The following STAG1 variants were observed in gnomAD, a reference collection of about 807,000 sequenced individuals.
STAG1 encodes the protein cohesin subunit SA-1.
STAG1 carries 26 observed loss-of-function variants against 170.9 expected under a neutral mutation model. The ratio of observed to expected loss-of-function variants is 0.15; its 90% CI spans 0.11 to 0.21. The LOEUF is 0.21. Ranked by LOEUF, STAG1 falls within the 10% of genes least tolerant of loss-of-function variation. The pLI, the probability that STAG1 is intolerant of heterozygous loss-of-function variation, is 1.00. For missense variants in STAG1, 964 were observed against 1,509.5 expected, an observed-to-expected ratio of 0.64 and a Z score of 5.99; for synonymous variants, 514 against 497.7, an observed-to-expected ratio of 1.03 and a Z score of -0.44.
intron 1 of STAG1, among the ~76,000 whole-genome samples, chr3:136,674,084 T>C (rs1178585544): frequency 6.7e-4 from 84 of 125,420 alleles, no homozygotes; most frequent in Non-Finnish European, 5.5e-4. Context: ...GCCTAGGTGA[T>C]AGGGAGTGAC....
intron 29 of STAG1, among the ~76,000 whole-genome samples, chr3:136,348,293 T>G (rs1037023472): frequency 6.5e-5 from 9 of 137,868 alleles, no homozygotes; most frequent in African/African-American, 1.9e-4. Flanking sequence ...AATTTTTAGG[T>G]TTTTTTTTTT....
chr3:136,473,874 A>T (rs947839765), intron 10 of STAG1, among the ~76,000 whole-genome samples: 18 of 152,152 alleles, frequency 1.2e-4, no homozygotes, highest in Non-Finnish European at 5.9e-5. Context: ...TTAAATATTT[A>T]TCAACGCTGA....
intron 1 of STAG1, among the ~76,000 whole-genome samples, chr3:136,647,164 G>A (rs1369074854): frequency 6.6e-6 from 1 of 152,068 alleles, no homozygotes; most frequent in Non-Finnish European, 1.5e-5. Flanking sequence ...AAATAATTGT[G>A]GCACAGAAAA....
At chr3:136,633,962 TAAAAAAAAAAAAAAAAA>T (rs67810422) in intron 1 of STAG1, among the ~76,000 whole-genome samples, 1 of 50,346 alleles carries the variant, frequency 2.0e-5, no homozygotes. Flanking sequence ...TGTCTCTACT[TAAAAAAAAAAAAAAAAA>T]AAAAAAAAAA....
intron 5 of STAG1, among the ~76,000 whole-genome samples, chr3:136,552,790 T>C (rs1936462513): frequency 6.6e-6 from 1 of 152,194 alleles, no homozygotes; most frequent in African/African-American, 2.4e-5. Flanking sequence ...TTCTAACAAA[T>C]AACTGAAAGA....
intron 2 of STAG1, among the ~76,000 whole-genome samples, chr3:136,625,079 T>C (rs182566120): frequency 6.2e-4 from 94 of 152,356 alleles, no homozygotes; most frequent in African/African-American, 2.2e-3. Flanking sequence ...CAATACAAGC[T>C]GGCTTCAACA....
intron 3 of STAG1, among the ~76,000 whole-genome samples, chr3:136,622,055 T>C (rs1462782533): frequency 2.1e-5 from 3 of 145,000 alleles, no homozygotes; most frequent in Non-Finnish European, 4.5e-5. Flanking sequence ...CCCAGCACTT[T>C]GGGAGGCTGA....
At position 136,344,002 on chromosome 3, in the gene STAG1, C is replaced by A; in HGVS notation, c.3276G>T (p.Glu1092Asp). The change falls in exon 30 of 34, where the codon GAG becomes GAT. Residue 1092 changes from glutamate to aspartate, a missense_variant. This residue lies in a region of STAG1 where 122 missense variants were observed against 129.0 expected (regional missense o/e 0.95). Transcript: ENST00000383202. ...PPLHKKRVED[E>D]SLDNTWLNRT... ...TGTTTAGCCATGTGTTATCCAGACT[C>A]TCATCTGTAAAATTCCAGTTAAGGT... is the stretch of plus-strand genomic sequence containing the variant. 6.4e-7 allele frequency: 1 copy of A among 1,571,274 alleles called. No individual in the cohort carries two copies.
At chr3:136,593,690 C>A (rs1032395692) in intron 4 of STAG1, among the ~76,000 whole-genome samples, 5 of 152,036 alleles carry the variant, frequency 3.3e-5, no homozygotes, top group Non-Finnish European at 5.9e-5. Flanking sequence ...TTCAGTTTTC[C>A]AATTTTATCT....
At chr3:136,424,277 AACAT>A (rs2088046914) in intron 16 of STAG1, among the ~76,000 whole-genome samples, 1 of 152,092 alleles carries the variant, frequency 6.6e-6, no homozygotes, top group Non-Finnish European at 1.5e-5. Context: ...CAATGTATGA[AACAT>A]CTAAGGATAC....
chr3:136,595,696 A>C (rs186187342), intron 4 of STAG1, among the ~76,000 whole-genome samples: 145 of 147,170 alleles, frequency 9.9e-4, no homozygotes, highest in East Asian at 7.5e-3. Flanking sequence ...ATAAATAAAT[A>C]AATAAATAAA....
chr3:136,339,656 T>C (rs1935861447), intron 32 of STAG1, among the ~76,000 whole-genome samples: 1 of 152,236 alleles, frequency 6.6e-6, no homozygotes, highest in Admixed American at 6.5e-5. Flanking sequence ...TGTCAAACAT[T>C]TGGCCAGTCT....
intron 3 of STAG1, among the ~76,000 whole-genome samples, chr3:136,615,947 G>C (rs1418885487): frequency 1.3e-5 from 2 of 152,060 alleles, no homozygotes; most frequent in African/African-American, 4.8e-5. Flanking sequence ...AAGGACAGAT[G>C]TGGAAGACAC....
At chr3:136,747,928 C>A (rs1018060833) in intron 1 of STAG1, among the ~76,000 whole-genome samples, 4 of 151,404 alleles carry the variant, frequency 2.6e-5, no homozygotes, top group African/African-American at 9.7e-5. Flanking sequence ...AGGTGCCCGC[C>A]ACCACACCCA....
At chr3:136,669,842 G>A (rs999139399) in intron 1 of STAG1, among the ~76,000 whole-genome samples, 2 of 152,124 alleles carry the variant, frequency 1.3e-5, no homozygotes, top group African/African-American at 4.8e-5. Context: ...AGGAAAAACC[G>A]TATTTACAAG....
chr3:136,597,546 T>G (rs1938485150), intron 4 of STAG1, among the ~76,000 whole-genome samples: 1 of 152,172 alleles, frequency 6.6e-6, no homozygotes, highest in African/African-American at 2.4e-5. Context: ...TTTATTAGAT[T>G]TTTATTTTGT....
At chr3:136,615,700 C>A (rs183265046) in intron 3 of STAG1, among the ~76,000 whole-genome samples, 7,320 of 149,060 alleles carry the variant, frequency 0.049, 604 homozygotes, top group African/African-American at 0.17. Flanking sequence ...ATGGTGTGAA[C>A]CTGGGAGGCG....
At chr3:136,588,360 G>A (rs1259472682) in intron 4 of STAG1, among the ~76,000 whole-genome samples, 7 of 152,056 alleles carry the variant, frequency 4.6e-5, no homozygotes, top group African/African-American at 1.4e-4. Flanking sequence ...TTTTGAGATG[G>A]AGTTTCGCTC....
At chr3:136,535,484 G>A (rs376992307) in intron 6 of STAG1, among the ~76,000 whole-genome samples, 296 of 152,276 alleles carry the variant, frequency 1.9e-3, no homozygotes, top group African/African-American at 6.7e-3. Flanking sequence ...CCAACATGGC[G>A]AAACTTTGTC....
Sources: gnomAD v4.1 joint callset for allele counts (sites outside exome capture counted in the v4.1 genomes callset) on GRCh38, gnomAD v4.1.1 for gene constraint, gnomAD v4.1.1 regional missense constraint, MANE v1.5 for transcripts, NCBI Gene and HGNC (gene_info 2026-07-23, HGNC 2026-07-21) for gene names.